The following FHIT variants were observed in gnomAD, a reference collection of about 807,000 sequenced individuals.
FHIT encodes bis(5'-adenosyl)-triphosphatase.
A neutral mutation model predicts 17.9 loss-of-function variants in FHIT; 19 were observed. The observed-to-expected ratio is 1.06, with a 90% CI of 0.74 to 1.56. The LOEUF (loss-of-function observed/expected upper bound fraction) is 1.56. Ranked by LOEUF, FHIT falls within the 40% of genes most tolerant of loss-of-function variation. The probability of loss-of-function intolerance (pLI) is 0.00; values close to 1 mark genes in which losing one functional copy is unlikely to be tolerated. For missense variants in FHIT, 248 were observed against 189.2 expected (o/e 1.31, Z -1.82); for synonymous variants, 81 against 69.7 (o/e 1.16, Z -0.81).
At chr3:60,991,038 T>C (rs532270355) in intron 3 of FHIT, among the ~76,000 whole-genome samples, 5 of 152,170 alleles carry the variant, frequency 3.3e-5, no homozygotes, top group Non-Finnish European at 7.4e-5. Context: ...GTAGTAAGTG[T>C]TGGGAAAAAA....
At chr3:60,675,955 A>T (rs1283704626) in intron 4 of FHIT, among the ~76,000 whole-genome samples, 2 of 152,214 alleles carry the variant, frequency 1.3e-5, no homozygotes, top group African/African-American at 2.4e-5. Flanking sequence ...TTATCTTAAC[A>T]GCAAAATACA....
intron 5 of FHIT, among the ~76,000 whole-genome samples, chr3:60,055,173 G>T (rs904064087): frequency 6.6e-6 from 1 of 152,106 alleles, no homozygotes; most frequent in African/African-American, 2.4e-5. Flanking sequence ...ACTGCTCAGT[G>T]CCTCTCCCTC....
intron 5 of FHIT, among the ~76,000 whole-genome samples, chr3:60,071,930 G>C (rs531218638): frequency 6.6e-6 from 1 of 152,094 alleles, no homozygotes; most frequent in Non-Finnish European, 1.5e-5. Context: ...CATGTAAGAC[G>C]TTCCTTTGCT....
chr3:59,896,227 G>C (rs1012251037), intron 8 of FHIT, among the ~76,000 whole-genome samples: 1 of 152,164 alleles, frequency 6.6e-6, no homozygotes, highest in African/African-American at 2.4e-5. Flanking sequence ...CAAGCACAGT[G>C]CCTGGCACAA....
intron 5 of FHIT, among the ~76,000 whole-genome samples, chr3:60,077,965 C>G (rs1016565484): frequency 2.8e-4 from 42 of 151,852 alleles, no homozygotes; most frequent in Non-Finnish European, 5.9e-4. Context: ...CTTTAAACCT[C>G]AAATACACAA....
intron 7 of FHIT, among the ~76,000 whole-genome samples, chr3:60,009,778 A>AG (rs1425007960): frequency 6.6e-6 from 1 of 152,194 alleles, no homozygotes; most frequent in East Asian, 1.9e-4. Flanking sequence ...TGTATCCATT[A>AG]GGAATCATTC....
chr3:60,128,257 T>C (rs1007890308), intron 5 of FHIT, among the ~76,000 whole-genome samples: 3 of 152,166 alleles, frequency 2.0e-5, no homozygotes, highest in Admixed American at 1.3e-4. Flanking sequence ...AAAGACTTAG[T>C]GGGAGGTAAC....
At chr3:60,470,058 T>TTCTTTCTCTC (rs1323971036) in intron 5 of FHIT, among the ~76,000 whole-genome samples, 6 of 143,040 alleles carry the variant, frequency 4.2e-5, no homozygotes, top group African/African-American at 1.6e-4. Context: ...CTCTCTTTCT[T>TTCTTTCTCTC]TCTCTCTCTC....
At chr3:60,397,050 A>G (rs1576594270) in intron 5 of FHIT, among the ~76,000 whole-genome samples, 1 of 152,194 alleles carries the variant, frequency 6.6e-6, no homozygotes, top group East Asian at 1.9e-4. Context: ...CATTTTCTCT[A>G]CCTGGGCTGT....
intron 8 of FHIT, among the ~76,000 whole-genome samples, chr3:59,825,589 C>T (rs758917081): frequency 1.3e-5 from 2 of 152,166 alleles, no homozygotes; most frequent in Non-Finnish European, 2.9e-5. Context: ...ACTGAATACT[C>T]AGAAAAATGC....
chr3:60,701,563 G>C (rs2107910220), intron 4 of FHIT, among the ~76,000 whole-genome samples: 1 of 152,170 alleles, frequency 6.6e-6, no homozygotes, highest in South Asian at 2.1e-4. Flanking sequence ...CAGTTCCTGG[G>C]TGGGGGCCAC....
At chr3:61,187,625 T>C (rs1576174781) in intron 2 of FHIT, among the ~76,000 whole-genome samples, 2 of 152,310 alleles carry the variant, frequency 1.3e-5, no homozygotes, top group Admixed American at 6.5e-5. Context: ...CAACAGAATA[T>C]ACATTCTTTT....
At chr3:59,909,354 G>T (rs186471015) in intron 8 of FHIT, among the ~76,000 whole-genome samples, 42 of 151,856 alleles carry the variant, frequency 2.8e-4, no homozygotes, top group Admixed American at 2.1e-3. Context: ...TTTTTAGGTG[G>T]AGTCTGGCTC....
chr3:60,687,106 T>C (rs782230391), intron 4 of FHIT, among the ~76,000 whole-genome samples: 17 of 152,248 alleles, frequency 1.1e-4, no homozygotes, highest in Non-Finnish European at 2.1e-4. Flanking sequence ...TTAAATAACA[T>C]ACCTTGCTAC....
At chr3:60,936,810 G>A (rs1708210234) in intron 3 of FHIT, among the ~76,000 whole-genome samples, 1 of 152,090 alleles carries the variant, frequency 6.6e-6, no homozygotes, top group African/African-American at 2.4e-5. Flanking sequence ...AACTCAAAGG[G>A]AAAAGAGGAT....
chr3:59,813,266 C>A (rs1237522754), intron 8 of FHIT, among the ~76,000 whole-genome samples: 1 of 152,160 alleles, frequency 6.6e-6, no homozygotes, highest in South Asian at 2.1e-4. Context: ...GCACTGTCAA[C>A]CTTATTTTAT....
intron 5 of FHIT, among the ~76,000 whole-genome samples, chr3:60,325,571 T>G (rs2106825644): frequency 6.6e-6 from 1 of 152,356 alleles, no homozygotes; most frequent in South Asian, 2.1e-4. Context: ...TTCTCTAAAT[T>G]TATTCTGTTG....
At chr3:59,900,482 T>C (rs1455129633) in intron 8 of FHIT, among the ~76,000 whole-genome samples, 1 of 152,206 alleles carries the variant, frequency 6.6e-6, no homozygotes, top group Non-Finnish European at 1.5e-5. Flanking sequence ...GTGCCTGCTT[T>C]GACTCCCCTA....
chr3:60,157,513 A>T (rs1257093954), intron 5 of FHIT, among the ~76,000 whole-genome samples: 1 of 152,198 alleles, frequency 6.6e-6, no homozygotes, highest in Non-Finnish European at 1.5e-5. Context: ...TTGTATTAGC[A>T]TCCCAAGCAG....
Sources: gnomAD v4.1 joint callset for allele counts (sites outside exome capture counted in the v4.1 genomes callset) on GRCh38, gnomAD v4.1.1 for gene constraint, MANE v1.5 for transcripts, NCBI Gene and HGNC (gene_info 2026-07-23, HGNC 2026-07-21) for gene names.